MARCHF1: variants seen among roughly 807,000 people sequenced by gnomAD.
The protein encoded by MARCHF1 is membrane associated ring-CH-type finger 1.
A neutral mutation model predicts 54.2 loss-of-function variants in MARCHF1; 40 were observed. That is an observed-to-expected ratio of 0.74 (90% CI 0.57 to 0.96). MARCHF1 has a LOEUF of 0.96. MARCHF1 is among the 40% of genes least tolerant of loss of function. The pLI is 0.00. For missense variants in MARCHF1, 586 were observed against 656.5 expected (o/e 0.89, Z 1.17); for synonymous variants, 236 against 236.3 (o/e 1.00, Z 0.01).
chr4:164,357,170 T>C (rs896020000), intron 1 of MARCHF1, among the ~76,000 whole-genome samples: 4 of 152,042 alleles, frequency 2.6e-5, no homozygotes, highest in African/African-American at 4.8e-5. Flanking sequence ...ACAAATGCAT[T>C]ATCTTACAAT....
In MARCHF1 at chr4:163,902,735, T is replaced by C. The variant is rs549752570; in HGVS notation, c.-38-48566A>G. ...AATTTAATCTTTGTTTCTAGAAAGC[T>C]TCCAATTGCCAGTCATGATGAACAA... On this transcript the variant is annotated intron_variant, in intron 3 of 9. Coordinates refer to ENST00000514618, the MANE Select transcript of MARCHF1 (RefSeq NM_001394959.1). Among the ~76,000 whole-genome samples the C allele has an allele frequency of 3.3e-5, 5 of 152,294 alleles. No homozygotes were observed. In the East Asian group the frequency reaches 9.6e-4, roughly 29 times the overall value.
At chr4:163,751,533 T>C (rs985207423) in intron 4 of MARCHF1, among the ~76,000 whole-genome samples, 1 of 151,878 alleles carries the variant, frequency 6.6e-6, no homozygotes, top group Non-Finnish European at 1.5e-5. Context: ...TTTAGAAGGT[T>C]TATGCATACA....
chr4:163,751,156 T>C (rs1360025258), intron 4 of MARCHF1, among the ~76,000 whole-genome samples: 10 of 151,584 alleles, frequency 6.6e-5, no homozygotes, highest in East Asian at 1.9e-4. Context: ...TGTGTGTGTG[T>C]GTGTGTGTGT....
At chr4:163,792,423 C>G (rs1237369140) in intron 4 of MARCHF1, among the ~76,000 whole-genome samples, 1 of 152,102 alleles carries the variant, frequency 6.6e-6, no homozygotes, top group East Asian at 1.9e-4. Flanking sequence ...ATAATCTATA[C>G]AGATAGCTCC....
chr4:164,063,781 A>G (rs1754670031), intron 2 of MARCHF1, among the ~76,000 whole-genome samples: 1 of 152,220 alleles, frequency 6.6e-6, no homozygotes, highest in Admixed American at 6.5e-5. Context: ...ACTGTGTTAT[A>G]GCAAATATTT....
chr4:163,723,902 G>A (rs775520745), intron 4 of MARCHF1, among the ~76,000 whole-genome samples: 2 of 152,130 alleles, frequency 1.3e-5, no homozygotes, highest in African/African-American at 2.4e-5. Context: ...TCTCTACACT[G>A]GTTATTTTAG....
intron 3 of MARCHF1, among the ~76,000 whole-genome samples, chr4:163,947,692 A>G (rs1484513942): frequency 2.0e-5 from 3 of 152,206 alleles, no homozygotes; most frequent in Non-Finnish European, 4.4e-5. Flanking sequence ...ATAACTATAT[A>G]ATAAAATGTG....
chr4:163,796,280 G>C (rs1232040383), intron 4 of MARCHF1, among the ~76,000 whole-genome samples: 13 of 137,264 alleles, frequency 9.5e-5, no homozygotes, highest in Non-Finnish European at 1.5e-4. Flanking sequence ...AGGCTGGAGT[G>C]CAGTGGCACG....
At chr4:163,929,955 T>TATTG (rs1246367522) in intron 3 of MARCHF1, among the ~76,000 whole-genome samples, 12 of 81,390 alleles carry the variant, frequency 1.5e-4, no homozygotes, top group Non-Finnish European at 2.8e-4. Context: ...ATTATATATA[T>TATTG]TATATATAAT....
intron 1 of MARCHF1, among the ~76,000 whole-genome samples, chr4:164,346,356 G>T (rs1325211564): frequency 6.6e-6 from 1 of 152,034 alleles, no homozygotes; most frequent in East Asian, 1.9e-4. Flanking sequence ...ATGGTAAAAA[G>T]AAAAACTCGT....
chr4:163,680,717 T>C (rs1226324333), intron 5 of MARCHF1, among the ~76,000 whole-genome samples: 2 of 152,218 alleles, frequency 1.3e-5, no homozygotes, highest in Non-Finnish European at 2.9e-5. Flanking sequence ...TATCATTTCT[T>C]ATATTTAGAA....
In MARCHF1 at chr4:164,165,545, C is replaced by T. The variant is rs533314613; in HGVS notation, c.-322-53883G>A. Among the ~76,000 whole-genome samples, 13 of 151,982 alleles carry T rather than the reference C, an allele frequency of 8.6e-5. No individual in the cohort carries two copies. In the South Asian group the frequency reaches 2.5e-3, roughly 29 times the overall value. ...GTAAATAAATTTCTGTTGTTTAAGC[C>T]GCCCAATCTACAGCATTTTGTTATG... On this transcript the variant is annotated intron_variant, in intron 1 of 9. Transcript: ENST00000514618.
At chr4:164,293,658 TTC>T (rs1734341452) in intron 1 of MARCHF1, among the ~76,000 whole-genome samples, 1 of 152,242 alleles carries the variant, frequency 6.6e-6, no homozygotes, top group African/African-American at 2.4e-5. Context: ...TTAGATTTTT[TTC>T]TGATTAAGAA....
At chr4:164,221,746 C>T (rs1732119156) in intron 1 of MARCHF1, among the ~76,000 whole-genome samples, 1 of 152,056 alleles carries the variant, frequency 6.6e-6, no homozygotes. Context: ...GCTGCTGCTG[C>T]ACCTTGAAAC....
At chr4:164,053,161 A>G (rs753662674) in intron 2 of MARCHF1, among the ~76,000 whole-genome samples, 5 of 152,220 alleles carry the variant, frequency 3.3e-5, no homozygotes, top group Non-Finnish European at 7.3e-5. Flanking sequence ...CACACAGAGT[A>G]CAGTGAAAAG....
intron 2 of MARCHF1, among the ~76,000 whole-genome samples, chr4:164,037,278 G>A (rs1009006139): frequency 3.3e-5 from 5 of 152,154 alleles, no homozygotes; most frequent in African/African-American, 1.2e-4. Flanking sequence ...TGGCATATAG[G>A]TGATATTTAA....
intron 2 of MARCHF1, among the ~76,000 whole-genome samples, chr4:163,998,016 TA>T (rs1162037499): frequency 6.6e-6 from 1 of 151,164 alleles, no homozygotes; most frequent in African/African-American, 2.4e-5. Flanking sequence ...AGATTCTTAA[TA>T]TAGGTACTAA....
At chr4:163,716,869 C>A (rs920552559) in intron 4 of MARCHF1, among the ~76,000 whole-genome samples, 1 of 152,084 alleles carries the variant, frequency 6.6e-6, no homozygotes, top group Non-Finnish European at 1.5e-5. Context: ...TAGCAATCTT[C>A]TTGTTAATTG....
chr4:164,176,887 T>G (rs182677355), intron 1 of MARCHF1, among the ~76,000 whole-genome samples: 1 of 149,382 alleles, frequency 6.7e-6, no homozygotes, highest in East Asian at 2.0e-4. Context: ...ATTCTTAGAT[T>G]TTTCTTGATT....
Sources: gnomAD v4.1 joint callset for allele counts (sites outside exome capture counted in the v4.1 genomes callset) on GRCh38, gnomAD v4.1.1 for gene constraint, MANE v1.5 for transcripts, NCBI Gene and HGNC (gene_info 2026-07-23, HGNC 2026-07-21) for gene names.